Variants in LRBA observed in about 807,000 individuals in gnomAD.
LRBA encodes lipopolysaccharide-responsive and beige-like anchor protein.
Under a neutral mutation model 330.0 loss-of-function variants are expected in LRBA, and 176 were observed. The ratio of observed to expected loss-of-function variants is 0.53; its 90% CI spans 0.47 to 0.60. The LOEUF (loss-of-function observed/expected upper bound fraction) is 0.60. Ranked by LOEUF, LRBA falls within the 20% of genes least tolerant of loss-of-function variation. The pLI, the probability that LRBA is intolerant of heterozygous loss-of-function variation, is 0.00. For synonymous variants in LRBA, 1,230 were observed against 1,193.0 expected (o/e 1.03, Z -0.64); for missense variants, 3,259 against 3,444.8 (o/e 0.95, Z 1.35).
intron 25 of LRBA, 127 bp downstream of exon 25, chr4:150,849,295 A>T: frequency 1.3e-6 from 1 of 793,516 alleles, no homozygotes; most frequent in Non-Finnish European, 2.0e-6. Context: ...TCTCAAGTAA[A>T]AGATCCTATT....
chr4:150,810,316 GCCCAC>G (rs1007237563), intron 31 of LRBA, among the ~76,000 whole-genome samples: 1 of 152,130 alleles, frequency 6.6e-6, no homozygotes, highest in African/African-American at 2.4e-5. Context: ...TAATTACTGA[GCCCAC>G]CCCTTAGAGT....
chr4:150,550,427 G>C (rs1021490347), intron 40 of LRBA, among the ~76,000 whole-genome samples: 1 of 152,066 alleles, frequency 6.6e-6, no homozygotes, highest in African/African-American at 2.4e-5. Flanking sequence ...TCTTAAAAAT[G>C]ATTTAATTAT....
chr4:150,777,082 T>C (rs1276503356), intron 34 of LRBA, among the ~76,000 whole-genome samples: 5 of 144,392 alleles, frequency 3.5e-5, no homozygotes, highest in Non-Finnish European at 7.4e-5. Flanking sequence ...GTTGTTGTTG[T>C]TGTTGTTGTT....
intron 42 of LRBA, among the ~76,000 whole-genome samples, chr4:150,485,602 CAGAG>C (rs1204615311): frequency 6.6e-6 from 1 of 151,778 alleles, no homozygotes; most frequent in African/African-American, 2.4e-5. Context: ...TGTGAAGAGA[CAGAG>C]GGAGAAGAGA....
intron 34 of LRBA, among the ~76,000 whole-genome samples, chr4:150,762,671 T>C (rs892025059): frequency 6.6e-6 from 1 of 151,868 alleles, no homozygotes; most frequent in African/African-American, 2.4e-5. Flanking sequence ...ACACAAAGAT[T>C]TGCTTTTAAA....
intron 40 of LRBA, chr4:150,581,816 T>C (rs1263725449): frequency 1.3e-5 from 2 of 152,712 alleles, no homozygotes; most frequent in African/African-American, 4.8e-5. Context: ...CTCTCTCGGA[T>C]TGGCTAAAGC....
intron 37 of LRBA, among the ~76,000 whole-genome samples, chr4:150,636,332 A>G (rs1777908675): frequency 6.6e-6 from 1 of 152,036 alleles, no homozygotes; most frequent in South Asian, 2.1e-4. Flanking sequence ...ATTATAATTT[A>G]TTGCTATCTA....
chr4:150,915,894 G>T (rs1234401907), intron 7 of LRBA, among the ~76,000 whole-genome samples, 167 bp from the exon 8 acceptor site: 1 of 151,904 alleles, frequency 6.6e-6, no homozygotes, highest in African/African-American at 2.4e-5. Context: ...ATCTATTCAT[G>T]GGCCTTTCAA....
chr4:150,629,437 G>A (rs572852178), intron 37 of LRBA, among the ~76,000 whole-genome samples: 2 of 151,152 alleles, frequency 1.3e-5, no homozygotes, highest in East Asian at 2.0e-4. Flanking sequence ...TCAGGAGTTC[G>A]AGACCAGCCT....
intron 40 of LRBA, among the ~76,000 whole-genome samples, chr4:150,492,543 C>T (rs189627914): frequency 5.3e-5 from 8 of 152,238 alleles, no homozygotes; most frequent in African/African-American, 1.7e-4. Flanking sequence ...GCCCCAAGGT[C>T]TTCAGAGGCA....
chr4:150,577,969 T>A (rs1277123657), intron 40 of LRBA, among the ~76,000 whole-genome samples: 1 of 152,222 alleles, frequency 6.6e-6, no homozygotes, highest in Non-Finnish European at 1.5e-5. Context: ...TCTTTTCAAA[T>A]CCATACATTC....
chr4:150,428,750 T>G (rs766214896), intron 46 of LRBA, among the ~76,000 whole-genome samples: 53 of 152,128 alleles, frequency 3.5e-4, no homozygotes, highest in Non-Finnish European at 6.3e-4. Flanking sequence ...CTTATATAAT[T>G]AACTCAAGCA....
chr4:150,716,758 A>G (rs1474239388), intron 36 of LRBA, among the ~76,000 whole-genome samples: 1 of 152,210 alleles, frequency 6.6e-6, no homozygotes, highest in Non-Finnish European at 1.5e-5. Flanking sequence ...AATTGTTAAA[A>G]TGTTTCACAT....
intron 2 of LRBA, among the ~76,000 whole-genome samples, chr4:150,968,372 ATAGGCCAAAAGC>A (rs1172557165): frequency 1.3e-5 from 2 of 152,258 alleles, no homozygotes; most frequent in Non-Finnish European, 2.9e-5. Context: ...AAAGGTTGAA[ATAGGCCAAAAGC>A]TAGGCCTCTT....
intron 37 of LRBA, among the ~76,000 whole-genome samples, chr4:150,653,315 C>A (rs1425062955): frequency 6.6e-6 from 1 of 152,140 alleles, no homozygotes; most frequent in Non-Finnish European, 1.5e-5. Context: ...TGAAGGTAAT[C>A]CATAAAGATT....
chr4:150,517,499 C>G (rs1762476104), intron 40 of LRBA, among the ~76,000 whole-genome samples: 1 of 151,806 alleles, frequency 6.6e-6, no homozygotes, highest in Non-Finnish European at 1.5e-5. Flanking sequence ...CCAGCCTGGG[C>G]AACAGAACAA....
In LRBA at chr4:150,881,925, A is replaced by G. The variant is rs192260482; in HGVS notation, c.2166-9170T>C. Among the ~76,000 whole-genome samples, 707 of 152,246 alleles carry G rather than the reference A, an allele frequency of 4.6e-3. 7 individuals are homozygous for G. Among genetic ancestry groups the G allele is most frequent in the African/African-American group, 0.016 (674 of 41,540 alleles). On this transcript the variant is annotated intron_variant, in intron 17 of 56. Coordinates refer to ENST00000651943, the MANE Select transcript of LRBA (RefSeq NM_001364905.1). ...AACATGGCAAAACCCTGTCTCTATT[A>G]AAAATACAAAATTAGTTGGGTGTGG...
intron 47 of LRBA, among the ~76,000 whole-genome samples, chr4:150,369,851 C>T (rs1352824786): frequency 1.3e-5 from 2 of 152,090 alleles, no homozygotes; most frequent in Admixed American, 6.5e-5. Context: ...ATTAGTGAGG[C>T]AGCATTTTTT....
chr4:150,559,934 A>G, intron 40 of LRBA, among the ~76,000 whole-genome samples: 1 of 108,208 alleles, frequency 9.2e-6, no homozygotes, highest in African/African-American at 3.6e-5. Flanking sequence ...ATAAATATAT[A>G]TATATCTATA....
Sources: gnomAD v4.1 joint callset for allele counts (sites outside exome capture counted in the v4.1 genomes callset) on GRCh38, gnomAD v4.1.1 for gene constraint, MANE v1.5 for transcripts, NCBI Gene and HGNC (gene_info 2026-07-23, HGNC 2026-07-21) for gene names.